The following EYA1 variants were observed in gnomAD, a reference collection of about 807,000 sequenced individuals.
EYA1 encodes the protein EYA transcriptional coactivator and phosphatase 1.
EYA1 carries 16 observed loss-of-function variants against 82.0 expected under a neutral mutation model. The ratio of observed to expected loss-of-function variants is 0.20; its 90% CI spans 0.13 to 0.30. The LOEUF is 0.30. Among genes scored for constraint, EYA1 ranks in the 10% least tolerant of loss-of-function variants. The probability of loss-of-function intolerance (pLI) is 1.00; values close to 1 mark genes in which losing one functional copy is unlikely to be tolerated. For synonymous variants in EYA1, 261 were observed against 264.4 expected (o/e 0.99, Z 0.12); for missense variants, 633 against 730.7 (o/e 0.87, Z 1.54).
chr8:71,518,722 T>C (rs1813169440), intron 2 of EYA1, among the ~76,000 whole-genome samples: 1 of 152,190 alleles, frequency 6.6e-6, no homozygotes, highest in African/African-American at 2.4e-5. Flanking sequence ...AATAAAATTA[T>C]AATTTCTTTT....
intron 2 of EYA1, among the ~76,000 whole-genome samples, chr8:71,426,740 T>G (rs1805261490): frequency 6.6e-6 from 1 of 152,238 alleles, no homozygotes; most frequent in African/African-American, 2.4e-5. Context: ...CTTTATAAAT[T>G]AGAAATATAA....
At chr8:71,231,359 C>T (rs577266587) in intron 12 of EYA1, among the ~76,000 whole-genome samples, 1 of 152,276 alleles carries the variant, frequency 6.6e-6, no homozygotes, top group African/African-American at 2.4e-5. Context: ...GACATGGCTT[C>T]TGTCTTTCTT....
intron 7 of EYA1, among the ~76,000 whole-genome samples, chr8:71,307,469 C>G (rs1176970183): frequency 6.6e-6 from 1 of 152,024 alleles, no homozygotes. Flanking sequence ...CCACCACACT[C>G]GGCTGACTGG....
chr8:71,305,177 T>C (rs991420598), intron 7 of EYA1, among the ~76,000 whole-genome samples: 1 of 143,280 alleles, frequency 7.0e-6, no homozygotes, highest in African/African-American at 2.5e-5. Flanking sequence ...CAAAATAATA[T>C]AGAAGTATTT....
At chr8:71,365,414 T>G (rs1406684661), upstream of EYA1, among the ~76,000 whole-genome samples, 1 of 152,150 alleles carries the variant, frequency 6.6e-6, no homozygotes, top group Non-Finnish European at 1.5e-5. Flanking sequence ...TGATTATTTT[T>G]CAAAAATAAC....
intron 2 of EYA1, among the ~76,000 whole-genome samples, chr8:71,459,104 AAATTACT>A (rs1808177403): frequency 6.6e-6 from 1 of 152,208 alleles, no homozygotes; most frequent in Non-Finnish European, 1.5e-5. Context: ...TTTTCAAGGC[AAATTACT>A]AAGATACTTT....
At chr8:71,387,178 G>C (rs908513099) in intron 2 of EYA1, among the ~76,000 whole-genome samples, 3 of 152,114 alleles carry the variant, frequency 2.0e-5, no homozygotes, top group Admixed American at 6.6e-5. Context: ...CACAGAGTAG[G>C]GAAAGCATGA....
chr8:71,242,912 G>C (rs930258458), intron 12 of EYA1, among the ~76,000 whole-genome samples: 1 of 151,606 alleles, frequency 6.6e-6, no homozygotes, highest in African/African-American at 2.4e-5. Context: ...TGAGTAGCTG[G>C]GATTACAAGC....
chr8:71,215,773 AT>A (rs1331083357), intron 14 of EYA1, 45 bp from the exon 15 acceptor site: 3 of 1,323,668 alleles, frequency 2.3e-6, no homozygotes, highest in Non-Finnish European at 3.3e-6. Context: ...TGACCAACAT[AT>A]TTCTTCGGCT....
At chr8:71,532,145 A>T (rs147280545) in intron 2 of EYA1, among the ~76,000 whole-genome samples, 1 of 152,134 alleles carries the variant, frequency 6.6e-6, no homozygotes, top group South Asian at 2.1e-4. Flanking sequence ...AAGTATCATC[A>T]GTTCCCTCAG....
At chr8:71,451,653 G>A (rs1036983057) in intron 2 of EYA1, among the ~76,000 whole-genome samples, 1 of 152,022 alleles carries the variant, frequency 6.6e-6, no homozygotes, top group East Asian at 1.9e-4. Flanking sequence ...TAATTATGTG[G>A]TTCCTCTTCT....
intron 2 of EYA1, among the ~76,000 whole-genome samples, chr8:71,428,536 A>G (rs1805400805): frequency 6.6e-6 from 1 of 152,208 alleles, no homozygotes; most frequent in Non-Finnish European, 1.5e-5. Flanking sequence ...AAACTAGGGG[A>G]AATACTCTGT....
At chr8:71,543,463 T>G (rs559211324) in intron 1 of EYA1, among the ~76,000 whole-genome samples, 1 of 152,324 alleles carries the variant, frequency 6.6e-6, no homozygotes, top group East Asian at 1.9e-4. Flanking sequence ...CTTACATTCC[T>G]AAAATTATCA....
At chr8:71,293,611 C>A (rs1273142066) in intron 9 of EYA1, among the ~76,000 whole-genome samples, 2 of 149,150 alleles carry the variant, frequency 1.3e-5, no homozygotes, top group Non-Finnish European at 3.0e-5. Context: ...TAGGATTAAT[C>A]CAAGATATAT....
At chr8:71,371,166 T>C (rs915784857) in intron 2 of EYA1, among the ~76,000 whole-genome samples, 2 of 152,166 alleles carry the variant, frequency 1.3e-5, no homozygotes, top group South Asian at 2.1e-4. Context: ...CAGTATAAGA[T>C]GCAGTAAGAC....
intron 17 of EYA1, among the ~76,000 whole-genome samples, chr8:71,208,563 G>C (rs1808115523): frequency 1.3e-5 from 2 of 152,000 alleles, no homozygotes; most frequent in South Asian, 2.1e-4. Context: ...AAAATGTATT[G>C]AGCACCCATT....
intron 2 of EYA1, among the ~76,000 whole-genome samples, chr8:71,465,497 T>C (rs2129195244): frequency 6.6e-6 from 1 of 152,022 alleles, no homozygotes; most frequent in East Asian, 1.9e-4. Context: ...GTGGTGCACG[T>C]CTGTAATCCC....
At chr8:71,412,421 TAAAATA>T (rs145840714) in intron 2 of EYA1, among the ~76,000 whole-genome samples, 24,126 of 139,132 alleles carry the variant, frequency 0.17, 2,129 homozygotes, top group African/African-American at 0.24. Flanking sequence ...TAAAATAAAA[TAAAATA>T]AAAAAAAGAA....
chr8:71,203,201 A>G (rs1807282440), intron 17 of EYA1, among the ~76,000 whole-genome samples: 1 of 152,174 alleles, frequency 6.6e-6, no homozygotes, highest in Non-Finnish European at 1.5e-5. Flanking sequence ...TCTTTATAAC[A>G]TGAGCGTTTA....
Sources: gnomAD v4.1 joint callset for allele counts (sites outside exome capture counted in the v4.1 genomes callset) on GRCh38, gnomAD v4.1.1 for gene constraint, MANE v1.5 for transcripts, NCBI Gene and HGNC (gene_info 2026-07-23, HGNC 2026-07-21) for gene names.